Variants in ZFP64 observed in about 807,000 individuals in gnomAD.
The protein encoded by ZFP64 is zinc finger protein 64.
Under a neutral mutation model 51.6 loss-of-function variants are expected in ZFP64, and 14 were observed. The ratio of observed to expected loss-of-function variants is 0.27; its 90% confidence interval spans 0.18 to 0.42. ZFP64 has a LOEUF of 0.42. Ranked by LOEUF, ZFP64 falls within the 10% of genes least tolerant of loss-of-function variation. The pLI, the probability that ZFP64 is intolerant of heterozygous loss-of-function variation, is 1.00. For synonymous variants in ZFP64, 375 were observed against 361.4 expected (o/e 1.04, Z -0.43); for missense variants, 754 against 906.8 (o/e 0.83, Z 2.16).
chr20:52,116,411 C>T (rs1366236080), intron 5 of ZFP64, among the ~76,000 whole-genome samples: 2 of 151,332 alleles, frequency 1.3e-5, no homozygotes, highest in Admixed American at 6.6e-5. Context: ...GTTGGGATTA[C>T]AGGCGTGAGC....
At chr20:52,184,527 A>G (rs1198373482) in intron 2 of ZFP64, among the ~76,000 whole-genome samples, 1 of 152,220 alleles carries the variant, frequency 6.6e-6, no homozygotes, top group Admixed American at 6.5e-5. Flanking sequence ...ACTTACCTTG[A>G]GAATCTTTCT....
Position 52,181,045 on chromosome 20 carries a change from C to T in ZFP64, c.286+5787G>A, listed in dbSNP as rs150692098. ...GCAACCTCCACCTCCCAGGTTCAAG[C>T]GATTCTCCTGCCTCAGCCTCCCGAG... On this transcript the variant is annotated intron_variant, in intron 2 of 5. Transcript: ENST00000216923. Among the ~76,000 whole-genome samples, 491 of 152,272 alleles carry T rather than the reference C, an allele frequency of 3.2e-3. 3 individuals are homozygous for T. Among genetic ancestry groups the T allele is most frequent in the African/African-American group, 0.011 (474 of 41,554 alleles).
intron 4 of ZFP64, among the ~76,000 whole-genome samples, chr20:52,163,481 C>G (rs959822366): frequency 6.6e-6 from 1 of 152,182 alleles, no homozygotes; most frequent in South Asian, 2.1e-4. Flanking sequence ...AGTTTAATTG[C>G]TTATTACACT....
chr20:52,155,248 T>C (rs1165990873), intron 5 of ZFP64, among the ~76,000 whole-genome samples: 5 of 152,214 alleles, frequency 3.3e-5, no homozygotes, highest in Non-Finnish European at 7.3e-5. Context: ...TGAAGAGATT[T>C]TTGATTTCCG....
exon 9 of ZFP64, chr20:52,084,444 G>A (rs2078842230): frequency 9.3e-7 from 1 of 1,074,416 alleles, no homozygotes; most frequent in Non-Finnish European, 1.3e-6. Flanking sequence ...AAGTTGGAGC[G>A]GCCAGCCCCA....
chr20:52,173,866 T>C (rs1455937856), intron 2 of ZFP64, among the ~76,000 whole-genome samples: 2 of 152,062 alleles, frequency 1.3e-5, no homozygotes, highest in African/African-American at 4.8e-5. Context: ...GTCAGGCTCA[T>C]CTTGAACTCC....
chr20:52,137,106 G>A (rs1180473311), intron 5 of ZFP64, among the ~76,000 whole-genome samples: 2 of 152,106 alleles, frequency 1.3e-5, no homozygotes, highest in Admixed American at 6.5e-5. Flanking sequence ...AAAGCTTGGA[G>A]CCCTGTGATC....
At chr20:52,092,914 G>A (rs4811290) in intron 7 of ZFP64, among the ~76,000 whole-genome samples, 26,536 of 152,076 alleles carry the variant, frequency 0.17, 2,927 homozygotes, top group South Asian at 0.41. Flanking sequence ...TTATGCTAAA[G>A]ATCTACTCTC....
chr20:52,097,767 T>A (rs2079006013), intron 6 of ZFP64, among the ~76,000 whole-genome samples: 2 of 152,068 alleles, frequency 1.3e-5, no homozygotes, highest in Admixed American at 1.3e-4. Flanking sequence ...GCCTGAAGAA[T>A]ACAATTCTTA....
intron 8 of ZFP64, chr20:52,088,116 G>A (rs570045831): frequency 2.0e-4 from 98 of 501,400 alleles, no homozygotes; most frequent in Non-Finnish European, 3.2e-4. Context: ...GGTCTGACTT[G>A]AGATACATCA....
At chr20:52,115,393 GA>G (rs1978810867) in intron 5 of ZFP64, among the ~76,000 whole-genome samples, 1 of 145,820 alleles carries the variant, frequency 6.9e-6, no homozygotes, top group African/African-American at 2.5e-5. Context: ...AGTACTGGAA[GA>G]ATACATGCTC....
chr20:52,098,477 C>A (rs760959778), exon 6 of ZFP64: 1 of 1,614,030 alleles, frequency 6.2e-7, no homozygotes, highest in East Asian at 2.2e-5. Context: ...CCAAGGGTGG[C>A]CATTTGTTCC....
At chr20:52,159,911 G>A (rs931509944) in intron 5 of ZFP64, among the ~76,000 whole-genome samples, 1 of 152,172 alleles carries the variant, frequency 6.6e-6, no homozygotes, top group Admixed American at 6.5e-5. Flanking sequence ...GGAGGTGGAG[G>A]TTGCAGTGAG....
intron 5 of ZFP64, among the ~76,000 whole-genome samples, chr20:52,131,205 G>A (rs1483203304): frequency 6.8e-6 from 1 of 147,370 alleles, no homozygotes; most frequent in African/African-American, 2.5e-5. Context: ...GGAAAGGAAA[G>A]AAGAAAAAGA....
intron 8 of ZFP64, among the ~76,000 whole-genome samples, chr20:52,087,803 C>T (rs2078880149): frequency 6.6e-6 from 1 of 152,178 alleles, no homozygotes; most frequent in Non-Finnish European, 1.5e-5. Flanking sequence ...TGTACAGCTG[C>T]CTCCCATTTG....
intron 2 of ZFP64, among the ~76,000 whole-genome samples, chr20:52,178,480 G>A (rs1124984): frequency 0.082 from 12,457 of 152,252 alleles, 563 homozygotes; most frequent in Non-Finnish European, 0.1. Flanking sequence ...TGAGCACTGT[G>A]TAAGAATTTG....
intron 5 of ZFP64, among the ~76,000 whole-genome samples, chr20:52,128,956 C>G (rs1434775751): frequency 6.6e-6 from 1 of 152,168 alleles, no homozygotes; most frequent in Non-Finnish European, 1.5e-5. Context: ...TTCTGTCACC[C>G]AGGCTGGAGT....
Position 52,113,458 on chromosome 20 carries a change from C to T in ZFP64, c.764-14871G>A, listed in dbSNP as rs533816387. 1.6e-4 allele frequency among the ~76,000 whole-genome samples: 21 copies of T among 127,280 alleles called. No homozygotes were observed. The South Asian group carries it at 3.2e-3, about 20-fold the overall frequency. The allele number at this position is 127,280 out of a possible 152,430, so 83.5% of individuals were successfully genotyped here. On this transcript the variant is annotated intron_variant, in intron 5 of 8. Coordinates refer to the ZFP64 transcript ENST00000361387. Reference sequence around the variant, plus strand: ...TTTTTTTTTTTTTGAGACCAAGTCTCGCTCTGGTGCCCTGGCTAGGGTGCA... The same window carrying T: ...TTTTTTTTTTTTTGAGACCAAGTCTTGCTCTGGTGCCCTGGCTAGGGTGCA...
intron 5 of ZFP64, chr20:52,105,151 C>T (rs1432529653): frequency 4.2e-6 from 6 of 1,445,308 alleles, no homozygotes; most frequent in Non-Finnish European, 4.5e-6. Context: ...CCGCCACCTG[C>T]GGGGCCACCT....
Sources: allele counts gnomAD v4.1 joint callset (sites outside exome capture counted in the v4.1 genomes callset), GRCh38; gene constraint gnomAD v4.1.1; transcripts MANE v1.5; gene names NCBI Gene and HGNC (gene_info 2026-07-23, HGNC 2026-07-21).